CSMD1: variants seen among roughly 807,000 people sequenced by gnomAD.
The protein encoded by CSMD1 is CUB and Sushi multiple domains 1.
A neutral mutation model predicts 417.5 loss-of-function variants in CSMD1; 213 were observed. The ratio of observed to expected loss-of-function variants is 0.51; its 90% CI spans 0.46 to 0.57. The LOEUF is 0.57. Among genes scored for constraint, CSMD1 ranks in the 20% least tolerant of loss-of-function variants. The pLI, the probability that CSMD1 is intolerant of heterozygous loss-of-function variation, is 0.00. For synonymous variants in CSMD1, 2,862 were observed against 1,736.8 expected (o/e 1.65, Z -16.11); for missense variants, 6,923 against 4,529.7 (o/e 1.53, Z -15.17).
chr8:3,853,812 A>C (rs1347732268), intron 5 of CSMD1, among the ~76,000 whole-genome samples: 1 of 151,002 alleles, frequency 6.6e-6, no homozygotes, highest in African/African-American at 2.4e-5. Context: ...TGGCACATGT[A>C]TACATATGTA....
At chr8:4,028,757 G>C (rs529873834) in intron 4 of CSMD1, among the ~76,000 whole-genome samples, 1 of 152,148 alleles carries the variant, frequency 6.6e-6, no homozygotes, top group Non-Finnish European at 1.5e-5. Context: ...TGCTTGTTGT[G>C]AGAGTTAAAT....
intron 5 of CSMD1, among the ~76,000 whole-genome samples, chr8:3,818,977 G>T (rs1277374247): frequency 6.6e-6 from 1 of 152,220 alleles, no homozygotes; most frequent in Non-Finnish European, 1.5e-5. Context: ...AACTTCAAAA[G>T]AGAGGGGAAA....
At chr8:3,018,778 C>T in intron 51 of CSMD1, 128 bp from the exon 52 acceptor site, 1 of 835,992 alleles carries the variant, frequency 1.2e-6, no homozygotes, top group Admixed American at 2.7e-5. Flanking sequence ...TCACTAAGAA[C>T]ATGGTTGAGA....
At chr8:4,447,647 A>T (rs1315702875) in intron 2 of CSMD1, among the ~76,000 whole-genome samples, 1 of 152,156 alleles carries the variant, frequency 6.6e-6, no homozygotes, top group Non-Finnish European at 1.5e-5. Context: ...AGGTTTACGG[A>T]AAAGGAAGGA....
intron 41 of CSMD1, among the ~76,000 whole-genome samples, chr8:3,124,048 C>T (rs1817359544): frequency 6.6e-6 from 1 of 152,168 alleles, no homozygotes. Flanking sequence ...AGATTCTAAG[C>T]CCAATGGCTG....
intron 2 of CSMD1, among the ~76,000 whole-genome samples, chr8:4,611,532 C>T (rs1416396873): frequency 6.6e-6 from 1 of 152,100 alleles, no homozygotes; most frequent in Non-Finnish European, 1.5e-5. Context: ...TTTATTAAGA[C>T]CCGTATATGT....
chr8:3,176,051 G>C (rs915754423), intron 37 of CSMD1, among the ~76,000 whole-genome samples: 9 of 152,112 alleles, frequency 5.9e-5, no homozygotes, highest in Admixed American at 2.0e-4. Flanking sequence ...ATGAGGTATT[G>C]AATGTTTCAC....
chr8:4,691,614 T>G (rs911086798), intron 1 of CSMD1, among the ~76,000 whole-genome samples: 1 of 152,248 alleles, frequency 6.6e-6, no homozygotes. Flanking sequence ...TGGCAAAAAT[T>G]ATTTTCTGCA....
chr8:4,496,081 A>T (rs1387204825), intron 2 of CSMD1, among the ~76,000 whole-genome samples: 3 of 152,208 alleles, frequency 2.0e-5, no homozygotes, highest in Admixed American at 6.5e-5. Flanking sequence ...AAATGATGCC[A>T]ATCAAATTTT....
At chr8:3,428,549 C>T (rs1341907562) in intron 12 of CSMD1, among the ~76,000 whole-genome samples, 1 of 152,134 alleles carries the variant, frequency 6.6e-6, no homozygotes, top group Non-Finnish European at 1.5e-5. Context: ...AAAGACTGAC[C>T]ATACCAAATG....
At chr8:4,253,805 C>G (rs1198377316) in intron 3 of CSMD1, among the ~76,000 whole-genome samples, 1 of 148,310 alleles carries the variant, frequency 6.7e-6, no homozygotes, top group Non-Finnish European at 1.5e-5. Flanking sequence ...ATGTGAAAGA[C>G]AAATAATCAA....
intron 54 of CSMD1, among the ~76,000 whole-genome samples, chr8:2,981,605 A>G (rs1805429949): frequency 1.3e-5 from 2 of 152,166 alleles, no homozygotes; most frequent in South Asian, 4.1e-4. Flanking sequence ...GAGGAATGAG[A>G]ACACTGATGT....
At chr8:4,752,343 C>A (rs1343346828) in intron 1 of CSMD1, among the ~76,000 whole-genome samples, 1 of 152,100 alleles carries the variant, frequency 6.6e-6, no homozygotes, top group Admixed American at 6.5e-5. Context: ...TCTCTGTGAG[C>A]AATCTTTTTT....
At chr8:3,206,508 GT>G (rs1797286413) in intron 30 of CSMD1, among the ~76,000 whole-genome samples, 1 of 140,650 alleles carries the variant, frequency 7.1e-6, no homozygotes. Context: ...GTATGTGTGT[GT>G]GGTGTATGTC....
At chr8:3,461,827 ACACCTGAGCAGTG>A (rs1369300962) in intron 12 of CSMD1, among the ~76,000 whole-genome samples, 1 of 152,198 alleles carries the variant, frequency 6.6e-6, no homozygotes, top group African/African-American at 2.4e-5. Context: ...TCTAGCAGCC[ACACCTGAGCAGTG>A]CACTGTGAGC....
intron 4 of CSMD1, among the ~76,000 whole-genome samples, chr8:4,006,821 C>T (rs993909052): frequency 1.7e-3 from 156 of 90,110 alleles, no homozygotes; most frequent in Middle Eastern, 6.3e-3. Flanking sequence ...AGGACTTTTC[C>T]TATTTTTTTT....
At chr8:3,256,000 T>A (rs1800622356) in intron 26 of CSMD1, among the ~76,000 whole-genome samples, 1 of 152,092 alleles carries the variant, frequency 6.6e-6, no homozygotes, top group African/African-American at 2.4e-5. Flanking sequence ...TATTCGGCCA[T>A]CTTGGCTCCC....
At chr8:4,161,593 G>A (rs1797173146) in intron 3 of CSMD1, among the ~76,000 whole-genome samples, 1 of 152,062 alleles carries the variant, frequency 6.6e-6, no homozygotes, top group African/African-American at 2.4e-5. Flanking sequence ...GGTACATTTT[G>A]ATCTATACCT....
At chr8:3,239,901 G>T (rs960419898) in intron 26 of CSMD1, among the ~76,000 whole-genome samples, 6 of 151,962 alleles carry the variant, frequency 3.9e-5, no homozygotes, top group Non-Finnish European at 7.4e-5. Context: ...TGAAGTCCGG[G>T]CCAGGAACAA....
Sources: gnomAD v4.1 joint callset for allele counts (sites outside exome capture counted in the v4.1 genomes callset) on GRCh38, gnomAD v4.1.1 for gene constraint, MANE v1.5 for transcripts, NCBI Gene and HGNC (gene_info 2026-07-23, HGNC 2026-07-21) for gene names.